Variants in PTPRM observed in about 807,000 individuals in gnomAD.
PTPRM encodes protein tyrosine phosphatase receptor type M, also known as receptor-type tyrosine-protein phosphatase mu.
PTPRM carries 47 observed loss-of-function variants against 186.7 expected under a neutral mutation model. The observed-to-expected ratio is 0.25, with a 90% CI of 0.20 to 0.32. The LOEUF is 0.32. PTPRM is among the 10% of genes least tolerant of loss of function. The pLI, the probability that PTPRM is intolerant of heterozygous loss-of-function variation, is 1.00. For synonymous variants in PTPRM, 668 were observed against 674.9 expected (o/e 0.99, Z 0.16); for missense variants, 1,494 against 1,865.0 (o/e 0.80, Z 3.66).
chr18:7,665,617 C>T (rs1401109077), intron 1 of PTPRM, among the ~76,000 whole-genome samples: 1 of 152,094 alleles, frequency 6.6e-6, no homozygotes, highest in Non-Finnish European at 1.5e-5. Flanking sequence ...CTTACCTATA[C>T]TTGAATCAGG....
At position 7,704,024 on chromosome 18, in the gene PTPRM, G is replaced by A. The variant is rs138621328; in HGVS notation, c.74-70125G>A. On this transcript the variant is annotated intron_variant, in intron 1 of 32. Transcript: ENST00000580170. Reference sequence around the variant, plus strand: ...AGCCTTGCATCCTAGGGATGAAGTCGACTTTATCGTGGTGAATAAGGTTTT... The same window carrying A: ...AGCCTTGCATCCTAGGGATGAAGTCAACTTTATCGTGGTGAATAAGGTTTT... Among the ~76,000 whole-genome samples, 307 of 152,204 alleles carry A rather than the reference G, an allele frequency of 2.0e-3. 1 individual carries two copies. The highest frequency in any genetic ancestry group is 6.5e-3 in the African/African-American group (270 of 41,536).
At chr18:8,116,939 T>C (rs528773955) in intron 13 of PTPRM, among the ~76,000 whole-genome samples, 1 of 152,338 alleles carries the variant, frequency 6.6e-6, no homozygotes, top group Non-Finnish European at 1.5e-5. Flanking sequence ...GGACACATTT[T>C]AATATTTCCT....
intron 2 of PTPRM, among the ~76,000 whole-genome samples, chr18:7,842,947 T>TATATGTAG (rs370746043): frequency 1.8e-5 from 2 of 112,132 alleles, no homozygotes; most frequent in African/African-American, 8.4e-5. Flanking sequence ...TATATATATA[T>TATATGTAG]AGAGAGAGAG....
At chr18:7,611,505 C>G (rs2037673674) in intron 1 of PTPRM, among the ~76,000 whole-genome samples, 1 of 152,126 alleles carries the variant, frequency 6.6e-6, no homozygotes, top group South Asian at 2.1e-4. Context: ...TTACAGTTAC[C>G]TACAGTATTC....
rs142424939 is a variant in PTPRM, at chr18:7,672,784, G to A, written c.74-101365G>A. 5.9e-5 allele frequency among the ~76,000 whole-genome samples: 9 copies of A among 152,352 alleles called. No homozygotes were observed. The East Asian group carries it at 1.7e-3, about 29-fold the overall frequency. ...GACTCGGAGGTGAGGGAGGAAAAGAGCTTCTGTGTAGAGTTGGGCAGGCTG... is the reference window on the plus strand; with the variant it reads ...GACTCGGAGGTGAGGGAGGAAAAGAACTTCTGTGTAGAGTTGGGCAGGCTG... On this transcript the variant is annotated intron_variant, in intron 1 of 32. Coordinates refer to ENST00000580170, the MANE Select transcript of PTPRM (RefSeq NM_001105244.2).
chr18:8,210,523 T>C (rs1458136118), intron 14 of PTPRM, among the ~76,000 whole-genome samples: 1 of 152,184 alleles, frequency 6.6e-6, no homozygotes, highest in African/African-American at 2.4e-5. Flanking sequence ...ATCTGGATTT[T>C]GGGTTTCTGG....
chr18:7,770,031 T>A (rs1598608449), intron 1 of PTPRM, among the ~76,000 whole-genome samples: 1 of 152,294 alleles, frequency 6.6e-6, no homozygotes, highest in African/African-American at 2.4e-5. Context: ...CATGAATAAT[T>A]TACTTTGATT....
chr18:8,277,153 T>G (rs1298074289), intron 19 of PTPRM, among the ~76,000 whole-genome samples: 1 of 152,136 alleles, frequency 6.6e-6, no homozygotes, highest in Non-Finnish European at 1.5e-5. Context: ...GCAAGGCTGG[T>G]CTCGAACTCC....
chr18:8,329,680 G>A (rs2095400717), intron 22 of PTPRM, among the ~76,000 whole-genome samples: 1 of 149,274 alleles, frequency 6.7e-6, no homozygotes, highest in Non-Finnish European at 1.5e-5. Context: ...ACACGATCCG[G>A]AATATACCAG....
At chr18:8,049,981 G>C (rs1181799463) in intron 7 of PTPRM, among the ~76,000 whole-genome samples, 1 of 152,020 alleles carries the variant, frequency 6.6e-6, no homozygotes, top group Non-Finnish European at 1.5e-5. Flanking sequence ...AAAGTGCTGG[G>C]ATTACAGGCA....
chr18:7,637,327 T>C (rs6506522), intron 1 of PTPRM, among the ~76,000 whole-genome samples: 4,813 of 152,242 alleles, frequency 0.032, 260 homozygotes, highest in African/African-American at 0.11. Flanking sequence ...TTATACTGTT[T>C]TATTTCTTTT....
intron 14 of PTPRM, among the ~76,000 whole-genome samples, chr18:8,154,380 T>C (rs1029346274): frequency 1.3e-5 from 2 of 152,216 alleles, no homozygotes; most frequent in South Asian, 4.1e-4. Context: ...AAATATGTGC[T>C]GTTGGTCATA....
At chr18:7,648,464 T>C (rs570361920) in intron 1 of PTPRM, among the ~76,000 whole-genome samples, 9 of 152,330 alleles carry the variant, frequency 5.9e-5, no homozygotes, top group African/African-American at 1.7e-4. Flanking sequence ...AAAGCCGAGA[T>C]AGGCAGAAAG....
At chr18:7,912,310 G>GT (rs1343925467) in intron 4 of PTPRM, among the ~76,000 whole-genome samples, 1 of 152,032 alleles carries the variant, frequency 6.6e-6, no homozygotes, top group African/African-American at 2.4e-5. Context: ...AATTGCCTTG[G>GT]TACCCTTGTT....
At chr18:8,365,998 G>A (rs1408349852) in intron 23 of PTPRM, among the ~76,000 whole-genome samples, 1 of 152,142 alleles carries the variant, frequency 6.6e-6, no homozygotes, top group Non-Finnish European at 1.5e-5. Context: ...GGAGAGGGGG[G>A]CTTCAATAAA....
At chr18:7,790,397 G>A (rs2043283443) in intron 2 of PTPRM, among the ~76,000 whole-genome samples, 1 of 152,170 alleles carries the variant, frequency 6.6e-6, no homozygotes, top group Non-Finnish European at 1.5e-5. Context: ...GTAAATCCCA[G>A]AGGTCAGATG....
chr18:7,676,659 GTGTA>G (rs1429009881), intron 1 of PTPRM, among the ~76,000 whole-genome samples: 1,777 of 120,722 alleles, frequency 0.015, 33 homozygotes, highest in African/African-American at 0.065. Flanking sequence ...GTGTGTGTGT[GTGTA>G]TGTGTGTGTG....
chr18:8,026,125 A>G (rs2085557964), intron 7 of PTPRM, among the ~76,000 whole-genome samples: 1 of 152,246 alleles, frequency 6.6e-6, no homozygotes, highest in African/African-American at 2.4e-5. Context: ...CCTTTAGATC[A>G]AAGTGCAGGG....
rs1221615705 is a variant in PTPRM, at chr18:8,296,230, A to C, written c.2755-138A>C. The C allele has an allele frequency of 2.0e-5, 12 of 614,222 alleles. No homozygotes were observed. The Admixed American group carries it at 2.9e-4, about 15-fold the overall frequency. The allele number at this position is 614,222 out of a possible 1,614,324, so 38.0% of individuals were successfully genotyped here. A position where few individuals can be genotyped will look rare whatever the true frequency, so the allele number is the denominator to read the frequency against. The stretch of plus-strand genomic sequence containing the variant: ...AATATTTAAAATATAAATGTAGTGT[A>C]ATAATCCCTTGTCTCATTTCTGTCG... On this transcript the variant is annotated intron_variant, in intron 19 of 32. Coordinates refer to ENST00000580170, the MANE Select transcript of PTPRM (RefSeq NM_001105244.2).
Sources: allele counts gnomAD v4.1 joint callset (sites outside exome capture counted in the v4.1 genomes callset), GRCh38; gene constraint gnomAD v4.1.1; transcripts MANE v1.5; gene names NCBI Gene and HGNC (gene_info 2026-07-23, HGNC 2026-07-21).